Variants in TNIK observed in about 807,000 individuals in gnomAD.
TNIK encodes the protein TRAF2 and NCK-interacting protein kinase.
Under a neutral mutation model 191.3 loss-of-function variants are expected in TNIK, and 49 were observed. The observed-to-expected ratio is 0.26, with a 90% confidence interval of 0.20 to 0.32. The LOEUF (loss-of-function observed/expected upper bound fraction) is 0.32, where lower values mean the gene tolerates loss of function less well. Among genes scored for constraint, TNIK ranks in the 10% least tolerant of loss-of-function variants. The pLI, the probability that TNIK is intolerant of heterozygous loss-of-function variation, is 1.00. For synonymous variants in TNIK, 594 were observed against 600.9 expected (o/e 0.99, Z 0.17); for missense variants, 1,155 against 1,702.3 (o/e 0.68, Z 5.66).
chr3:171,143,449 C>CA (rs1731122021), intron 12 of TNIK, among the ~76,000 whole-genome samples: 1 of 152,204 alleles, frequency 6.6e-6, no homozygotes, highest in African/African-American at 2.4e-5. Context: ...TGCTGTACCC[C>CA]AACCCCTCAG....
At chr3:171,163,241 A>G (rs1014861262) in intron 10 of TNIK, among the ~76,000 whole-genome samples, 1 of 152,208 alleles carries the variant, frequency 6.6e-6, no homozygotes, top group Non-Finnish European at 1.5e-5. Context: ...CCTATTGGCA[A>G]TGAGGAACCC....
At chr3:171,133,303 A>G (rs1729565451) in intron 15 of TNIK, among the ~76,000 whole-genome samples, 1 of 152,214 alleles carries the variant, frequency 6.6e-6, no homozygotes, top group Non-Finnish European at 1.5e-5. Flanking sequence ...GGAAATAAAG[A>G]AGTGCTTATC....
intron 1 of TNIK, among the ~76,000 whole-genome samples, chr3:171,383,015 A>T (rs1332107351): frequency 6.6e-6 from 1 of 152,166 alleles, no homozygotes; most frequent in Non-Finnish European, 1.5e-5. Flanking sequence ...TGCAAAGGTT[A>T]TTTTATTTCA....
chr3:171,300,516 G>A (rs1752766531), intron 2 of TNIK, among the ~76,000 whole-genome samples: 1 of 152,110 alleles, frequency 6.6e-6, no homozygotes, highest in African/African-American at 2.4e-5. Context: ...TTTTAAAGAT[G>A]ATTCTGGGCA....
At chr3:171,423,959 C>A (rs1724190214) in intron 1 of TNIK, among the ~76,000 whole-genome samples, 1 of 152,122 alleles carries the variant, frequency 6.6e-6, no homozygotes, top group African/African-American at 2.4e-5. Context: ...AAAGCAATGG[C>A]AACAAAAGCC....
intron 2 of TNIK, among the ~76,000 whole-genome samples, chr3:171,274,659 T>A (rs1302377484): frequency 1.3e-5 from 2 of 152,208 alleles, no homozygotes; most frequent in Non-Finnish European, 2.9e-5. Context: ...AATAAAATAT[T>A]GTCTAATAAT....
chr3:171,261,247 T>C (rs1259271073), intron 2 of TNIK, among the ~76,000 whole-genome samples: 1 of 152,204 alleles, frequency 6.6e-6, no homozygotes, highest in African/African-American at 2.4e-5. Flanking sequence ...TCTTTACACC[T>C]TTGCTCATGC....
intron 18 of TNIK, among the ~76,000 whole-genome samples, chr3:171,117,420 T>G (rs1560137284): frequency 6.6e-6 from 1 of 152,026 alleles, no homozygotes. Flanking sequence ...CATGTTAATT[T>G]CAATTTCTCC....
chr3:171,411,118 G>C (rs1159908434), intron 1 of TNIK, among the ~76,000 whole-genome samples: 2 of 151,688 alleles, frequency 1.3e-5, no homozygotes, highest in Non-Finnish European at 2.9e-5. Context: ...ACCCAGGCTG[G>C]AGTGCAGTGG....
At chr3:171,427,118 G>A (rs540122938) in intron 1 of TNIK, among the ~76,000 whole-genome samples, 15 of 152,178 alleles carry the variant, frequency 9.9e-5, no homozygotes, top group East Asian at 3.9e-4. Context: ...TAGCTGGGCC[G>A]TAAACACATC....
At chr3:171,424,588 G>T (rs1724280681) in intron 1 of TNIK, among the ~76,000 whole-genome samples, 1 of 152,114 alleles carries the variant, frequency 6.6e-6, no homozygotes, top group South Asian at 2.1e-4. Flanking sequence ...GAACCCAAAT[G>T]TCCAACAGTG....
intron 16 of TNIK, 71 bp from the exon 17 acceptor site, chr3:171,126,222 T>C: frequency 7.2e-7 from 1 of 1,391,340 alleles, no homozygotes; most frequent in East Asian, 2.6e-5. Flanking sequence ...CTCAGTGAGC[T>C]GAAGGAAAAA....
rs61791135 is a variant in TNIK, at chr3:171,058,835, C to T, written c.*5046G>A. 0.094 allele frequency among the ~76,000 whole-genome samples: 14,255 copies of T among 152,210 alleles called. 755 individuals carry two copies. The highest frequency in any genetic ancestry group is 0.12 in the African/African-American group (5,150 of 41,534). On this transcript the variant is annotated 3_prime_UTR_variant, in exon 33 of 33. Coordinates refer to ENST00000436636, the MANE Select transcript of TNIK (RefSeq NM_015028.4). ...GCTAAAACGTTCAAAAATAGTTTTA[C>T]AACATTCAATTTTAAAATTTCATTC... is the stretch of plus-strand genomic sequence containing the variant.
At chr3:171,080,154 C>T (rs1359286698) in intron 27 of TNIK, among the ~76,000 whole-genome samples, 1 of 151,470 alleles carries the variant, frequency 6.6e-6, no homozygotes, top group Non-Finnish European at 1.5e-5. Context: ...GAAAGGAATA[C>T]TGAACAAAAA....
At chr3:171,372,235 T>C (rs1404078787) in intron 1 of TNIK, among the ~76,000 whole-genome samples, 1 of 152,204 alleles carries the variant, frequency 6.6e-6, no homozygotes, top group Non-Finnish European at 1.5e-5. Context: ...ATGCTGAGCC[T>C]TTAGTTCAAA....
intron 1 of TNIK, among the ~76,000 whole-genome samples, chr3:171,437,680 A>T (rs138945360): frequency 1.2e-3 from 184 of 152,346 alleles, no homozygotes; most frequent in African/African-American, 4.3e-3. Flanking sequence ...GCCACCATGT[A>T]GATTCCATCA....
At chr3:171,295,780 G>A (rs1481847858) in intron 2 of TNIK, among the ~76,000 whole-genome samples, 1 of 152,152 alleles carries the variant, frequency 6.6e-6, no homozygotes, top group South Asian at 2.1e-4. Flanking sequence ...TGGCTGGGGG[G>A]CAACTCCACC....
rs1389990343 is a variant in TNIK at position 171,115,167 on chromosome 3, AAAAT to A, written c.2121-4294_2121-4291del. Among the ~76,000 whole-genome samples the A allele has an allele frequency of 4.6e-5, 7 of 152,382 alleles. No homozygotes were observed. The South Asian group carries it at 1.2e-3, about 27-fold the overall frequency. On this transcript the variant is annotated intron_variant, in intron 18 of 32. Coordinates refer to ENST00000436636, the MANE Select transcript of TNIK (RefSeq NM_015028.4). ...AATGTAGTATTCTTTGTATTACAAA[AAAAT>A]AAATAAAAAATCTCTTGAGAGGAGG...
chr3:171,320,000 G>A (rs961343348), intron 2 of TNIK, among the ~76,000 whole-genome samples: 13 of 152,138 alleles, frequency 8.5e-5, no homozygotes, highest in African/African-American at 3.1e-4. Context: ...CCCCGAAAGC[G>A]TAGGAGAGGA....
Sources: allele counts gnomAD v4.1 joint callset (sites outside exome capture counted in the v4.1 genomes callset), GRCh38; gene constraint gnomAD v4.1.1; transcripts MANE v1.5; gene names NCBI Gene and HGNC (gene_info 2026-07-23, HGNC 2026-07-21).